ARHGAP42: variants seen among roughly 807,000 people sequenced by gnomAD.
ARHGAP42 encodes Rho GTPase activating protein 42, also known as rho GTPase-activating protein 42.
Under a neutral mutation model 125.0 loss-of-function variants are expected in ARHGAP42, and 63 were observed. That is an observed-to-expected ratio of 0.50 (90% CI 0.41 to 0.62). The LOEUF (loss-of-function observed/expected upper bound fraction) is 0.62. Among genes scored for constraint, ARHGAP42 ranks in the 20% least tolerant of loss-of-function variants. ARHGAP42 has a pLI of 0.00. For missense variants in ARHGAP42, 766 were observed against 1,024.2 expected, an observed-to-expected ratio of 0.75 and a Z score of 3.44; for synonymous variants, 339 against 351.0, an observed-to-expected ratio of 0.97 and a Z score of 0.38.
chr11:100,973,275 A>G lies in ARHGAP42; in HGVS notation c.1651A>G (p.Met551Val), dbSNP rs1458021979. ...MRAQEETVAA[M>V]MNIKFQNIVV... is the part of the protein sequence containing the mutation. ...AGCACAGGAAGAAACTGTGGCTGCT[A>G]TGATGAATATTAAATTTCAGAATAT... Residue 551 changes from methionine (M) to valine (V), a missense_variant, in exon 18 of 24, where the codon ATG (methionine) becomes GTG (valine). This residue lies in a region of ARHGAP42 where 3 missense variants were observed against 18.0 expected (regional missense o/e 0.17). Coordinates refer to ENST00000298815, the MANE Select transcript of ARHGAP42 (RefSeq NM_152432.4). The G allele has an allele frequency of 2.6e-6, 4 of 1,551,004 alleles. No homozygotes were observed. Among genetic ancestry groups the G allele is most frequent in the African/African-American group, 2.7e-5 (2 of 73,026 alleles).
At position 100,992,206 on chromosome 11, in the gene ARHGAP42, C is replaced by G. The variant is rs2098951467; in HGVS notation, c.*3405C>G. ...GGATGCCTTCTTTAGCATTTAGAACCCCAACTAGACTTATACTTTGACTAA... is the reference window on the plus strand; with the variant it reads ...GGATGCCTTCTTTAGCATTTAGAACGCCAACTAGACTTATACTTTGACTAA... On this transcript the variant is annotated 3_prime_UTR_variant, in exon 24 of 24. Transcript: ENST00000298815. The G allele has an allele frequency of 7.6e-7, 1 of 1,316,936 alleles. No individual in the cohort carries two copies. The highest frequency in any genetic ancestry group is 1.0e-6 in the Non-Finnish European group (1 of 972,786). 81.6% of individuals were successfully genotyped at this position (1,316,936 alleles called of 1,614,324 possible). A position where few individuals can be genotyped will look rare whatever the true frequency, so the allele number is the denominator to read the frequency against.
chr11:100,976,719 A>G (rs1858400215), intron 20 of ARHGAP42, 96 bp from the exon 21 acceptor site: 3 of 1,436,004 alleles, frequency 2.1e-6, no homozygotes, highest in Non-Finnish European at 2.8e-6. Flanking sequence ...ATTTGGGCTC[A>G]GAGAAAAATG....
intron 2 of ARHGAP42, among the ~76,000 whole-genome samples, chr11:100,777,789 G>A (rs910716949): frequency 6.6e-6 from 1 of 151,956 alleles, no homozygotes; most frequent in Non-Finnish European, 1.5e-5. Flanking sequence ...TTAAATTATT[G>A]AAAATGCTTC....
intron 1 of ARHGAP42, among the ~76,000 whole-genome samples, chr11:100,733,501 G>T (rs1861996808): frequency 6.6e-6 from 1 of 152,146 alleles, no homozygotes; most frequent in South Asian, 2.1e-4. Flanking sequence ...AGTTCCTTAA[G>T]AGATGTAGCT....
intron 17 of ARHGAP42, among the ~76,000 whole-genome samples, chr11:100,970,685 T>G (rs1233168533): frequency 6.6e-6 from 1 of 151,998 alleles, no homozygotes; most frequent in Non-Finnish European, 1.5e-5. Flanking sequence ...AGAGTCAGAG[T>G]TTTCTGTTCT....
intron 3 of ARHGAP42, among the ~76,000 whole-genome samples, chr11:100,809,935 T>C (rs1031459277): frequency 9.4e-6 from 1 of 106,492 alleles, no homozygotes; most frequent in Non-Finnish European, 2.1e-5. Context: ...AGCAAGACTC[T>C]GTCTCCAAAA....
intron 12 of ARHGAP42, among the ~76,000 whole-genome samples, chr11:100,956,160 A>G (rs1857798719): frequency 8.5e-6 from 1 of 118,224 alleles, no homozygotes. Context: ...ATGTGAATTG[A>G]TAAGTCAGTA....
chr11:100,961,470 C>A (rs138476306), intron 14 of ARHGAP42, among the ~76,000 whole-genome samples: 128 of 152,262 alleles, frequency 8.4e-4, no homozygotes, highest in Non-Finnish European at 1.5e-3. Context: ...GCAATAATTT[C>A]ATTTGGGAGA....
At chr11:100,691,883 A>G (rs146636348) in intron 1 of ARHGAP42, among the ~76,000 whole-genome samples, 12 of 152,306 alleles carry the variant, frequency 7.9e-5, no homozygotes, top group African/African-American at 2.9e-4. Flanking sequence ...TGGGGTAATG[A>G]TCATATTAGC....
chr11:100,838,589 C>A (rs1345880669), intron 3 of ARHGAP42, among the ~76,000 whole-genome samples: 1 of 151,740 alleles, frequency 6.6e-6, no homozygotes, highest in African/African-American at 2.4e-5. Flanking sequence ...GCCTGTGGTC[C>A]CAGCCACATG....
chr11:100,755,204 T>C (rs1348765768), intron 1 of ARHGAP42, among the ~76,000 whole-genome samples: 1 of 152,192 alleles, frequency 6.6e-6, no homozygotes, highest in Non-Finnish European at 1.5e-5. Flanking sequence ...CGCACATATG[T>C]GGAGGCTGAA....
chr11:100,713,058 C>A (rs1184415130), intron 1 of ARHGAP42, among the ~76,000 whole-genome samples: 1 of 151,690 alleles, frequency 6.6e-6, no homozygotes, highest in Non-Finnish European at 1.5e-5. Context: ...TTTTTGTGGA[C>A]AAATTAATTA....
intron 5 of ARHGAP42, among the ~76,000 whole-genome samples, chr11:100,914,871 T>TA (rs1259478072): frequency 6.6e-6 from 1 of 152,188 alleles, no homozygotes; most frequent in African/African-American, 2.4e-5. Flanking sequence ...CTCAGAGTGT[T>TA]ACAAAGTTCC....
intron 6 of ARHGAP42, among the ~76,000 whole-genome samples, chr11:100,930,732 A>G (rs969080983): frequency 6.6e-6 from 1 of 152,162 alleles, no homozygotes. Flanking sequence ...AGTGGGAAAT[A>G]TTGGTTTACC....
intron 3 of ARHGAP42, among the ~76,000 whole-genome samples, chr11:100,801,593 A>G (rs1863852399): frequency 6.6e-6 from 1 of 151,936 alleles, no homozygotes; most frequent in Admixed American, 6.6e-5. Flanking sequence ...AATATTGAGG[A>G]TTTTTTTTGT....
chr11:100,987,383 A>C (rs1310439616), intron 22 of ARHGAP42, 130 bp from the exon 23 acceptor site: 1 of 722,944 alleles, frequency 1.4e-6, no homozygotes, highest in Non-Finnish European at 2.4e-6. Flanking sequence ...ATGTACACTC[A>C]TATATGCACT....
intron 1 of ARHGAP42, among the ~76,000 whole-genome samples, chr11:100,746,229 C>T (rs569100133): frequency 3.3e-5 from 5 of 152,212 alleles, no homozygotes; most frequent in Non-Finnish European, 5.9e-5. Context: ...CTCCAAGGAA[C>T]GCTAAGTTTC....
chr11:100,695,022 C>T (rs908657245), intron 1 of ARHGAP42, among the ~76,000 whole-genome samples: 1 of 152,198 alleles, frequency 6.6e-6, no homozygotes, highest in African/African-American at 2.4e-5. Context: ...CAGAGTGAGA[C>T]TGTCTCAAAA....
Position 100,914,905 on chromosome 11 carries a change from G to A in ARHGAP42, c.486+1352G>A, listed in dbSNP as rs116136705. Among the ~76,000 whole-genome samples, 495 of 152,272 alleles carry A rather than the reference G, an allele frequency of 3.3e-3. 3 individuals carry two copies. The highest frequency in any genetic ancestry group is 0.011 in the African/African-American group (461 of 41,564). Reference sequence around the variant, plus strand: ...CCTACAGCCTCAAAAAGAAATAGGAGTGTAATTTTGGCATCTGATGCCTTT... The same window carrying A: ...CCTACAGCCTCAAAAAGAAATAGGAATGTAATTTTGGCATCTGATGCCTTT... On this transcript the variant is annotated intron_variant, in intron 5 of 23. Coordinates refer to ENST00000298815, the MANE Select transcript of ARHGAP42 (RefSeq NM_152432.4).
Sources: allele counts gnomAD v4.1 joint callset (sites outside exome capture counted in the v4.1 genomes callset), GRCh38; gene constraint gnomAD v4.1.1; regional missense constraint gnomAD v4.1.1; transcripts MANE v1.5; gene names NCBI Gene and HGNC (gene_info 2026-07-23, HGNC 2026-07-21).